The following LRMDA variants were observed in gnomAD, a reference collection of about 807,000 sequenced individuals.
LRMDA encodes leucine-rich melanocyte differentiation-associated protein.
A neutral mutation model predicts 29.8 loss-of-function variants in LRMDA; 18 were observed. The ratio of observed to expected loss-of-function variants is 0.60; its 90% CI spans 0.42 to 0.90. The LOEUF (loss-of-function observed/expected upper bound fraction) is 0.90, where lower values mean the gene tolerates loss of function less well. Ranked by LOEUF, LRMDA falls within the 40% of genes least tolerant of loss-of-function variation. The probability of loss-of-function intolerance (pLI) is 0.00; values close to 1 mark genes in which losing one functional copy is unlikely to be tolerated. For missense variants in LRMDA, 273 were observed against 273.9 expected, an observed-to-expected ratio of 1.00 and a Z score of 0.02; for synonymous variants, 125 against 109.4, an observed-to-expected ratio of 1.14 and a Z score of -0.89.
intron 2 of LRMDA, among the ~76,000 whole-genome samples, chr10:75,986,324 G>C (rs1847261569): frequency 6.6e-6 from 1 of 152,224 alleles, no homozygotes; most frequent in African/African-American, 2.4e-5. Flanking sequence ...AAGTTACTCA[G>C]GCTGTGCTTC....
chr10:76,059,988 C>T (rs781487465), intron 5 of LRMDA, among the ~76,000 whole-genome samples: 1 of 152,178 alleles, frequency 6.6e-6, no homozygotes, highest in Non-Finnish European at 1.5e-5. Context: ...TGCTCCCTAT[C>T]GAGGCACAGG....
chr10:76,053,390 A>G (rs1284793720), intron 4 of LRMDA, among the ~76,000 whole-genome samples: 2 of 152,226 alleles, frequency 1.3e-5, no homozygotes, highest in Non-Finnish European at 2.9e-5. Flanking sequence ...CCAGTAACTA[A>G]GTAATACATC....
At position 75,517,822 on chromosome 10, in the gene LRMDA, A is replaced by G. The variant is rs191225549; in HGVS notation, c.131+79328A>G. Among the ~76,000 whole-genome samples, 928 of 152,294 alleles carry G rather than the reference A, an allele frequency of 6.1e-3. 9 individuals carry two copies. The highest frequency in any genetic ancestry group is 0.02 in the African/African-American group (819 of 41,548). On this transcript the variant is annotated intron_variant, in intron 2 of 6. Coordinates refer to ENST00000611255, the MANE Select transcript of LRMDA (RefSeq NM_001305581.2). ...TTCCAGTTTTTGCCCATTCAGTATG[A>G]TACTGGCTATGGGTTTGTCATGAAA...
intron 6 of LRMDA, among the ~76,000 whole-genome samples, chr10:76,488,169 A>G (rs1425617526): frequency 6.6e-6 from 1 of 151,840 alleles, no homozygotes; most frequent in Non-Finnish European, 1.5e-5. Context: ...GAAGAAAAAA[A>G]TTATCTGTTT....
chr10:76,539,973 TATC>T (rs904180604), intron 6 of LRMDA, among the ~76,000 whole-genome samples: 17 of 140,762 alleles, frequency 1.2e-4, no homozygotes, highest in African/African-American at 4.3e-4. Context: ...GGCGTAATGA[TATC>T]AACATGTTCA....
chr10:76,425,963 G>C (rs1842120910), intron 6 of LRMDA, among the ~76,000 whole-genome samples: 1 of 152,116 alleles, frequency 6.6e-6, no homozygotes, highest in Non-Finnish European at 1.5e-5. Context: ...AGTATTCCAT[G>C]GTGTATATGT....
chr10:76,190,232 A>T (rs12257516), intron 5 of LRMDA, among the ~76,000 whole-genome samples: 21,362 of 149,500 alleles, frequency 0.14, 2,589 homozygotes, highest in African/African-American at 0.34. Context: ...ATTAGGATTT[A>T]AAAAAAAAAT....
intron 5 of LRMDA, among the ~76,000 whole-genome samples, chr10:76,114,446 G>A (rs1430064447): frequency 6.6e-6 from 1 of 152,116 alleles, no homozygotes; most frequent in Non-Finnish European, 1.5e-5. Context: ...TCCTAGGCTT[G>A]GCTTCCACTT....
chr10:75,886,081 C>T (rs565190289), intron 2 of LRMDA, among the ~76,000 whole-genome samples: 6 of 152,340 alleles, frequency 3.9e-5, no homozygotes, highest in African/African-American at 1.4e-4. Flanking sequence ...GTTTTGCTTT[C>T]CTTCCACCCC....
chr10:76,247,125 T>G (rs1424275770), intron 5 of LRMDA, among the ~76,000 whole-genome samples: 2 of 152,216 alleles, frequency 1.3e-5, no homozygotes, highest in Non-Finnish European at 2.9e-5. Context: ...TATCCCAGAA[T>G]AGCTTAACTA....
intron 2 of LRMDA, among the ~76,000 whole-genome samples, chr10:75,797,202 A>T (rs1843667919): frequency 6.6e-6 from 1 of 152,244 alleles, no homozygotes; most frequent in East Asian, 1.9e-4. Context: ...TTGTTAAGTT[A>T]ATTTTTCAAG....
chr10:75,717,207 T>C (rs1025205451), intron 2 of LRMDA, among the ~76,000 whole-genome samples: 1 of 152,208 alleles, frequency 6.6e-6, no homozygotes, highest in Non-Finnish European at 1.5e-5. Context: ...AGCTGAAGCC[T>C]TGGGGAGTCC....
intron 5 of LRMDA, among the ~76,000 whole-genome samples, chr10:76,282,069 G>A (rs573375359): frequency 4.6e-5 from 7 of 152,292 alleles, no homozygotes; most frequent in African/African-American, 1.7e-4. Flanking sequence ...TCTGTCCCCA[G>A]ATGTCAGCAA....
intron 5 of LRMDA, among the ~76,000 whole-genome samples, chr10:76,175,177 C>T (rs1431066873): frequency 6.6e-6 from 1 of 152,164 alleles, no homozygotes; most frequent in Non-Finnish European, 1.5e-5. Context: ...AAGCCCTTGG[C>T]ACATAGCAAG....
chr10:75,505,057 A>G (rs1845155532), intron 2 of LRMDA, among the ~76,000 whole-genome samples: 2 of 152,188 alleles, frequency 1.3e-5, no homozygotes, highest in Admixed American at 1.3e-4. Flanking sequence ...GTTATGGGAA[A>G]GAGAGGAAGG....
At chr10:76,377,765 G>A (rs961562869) in intron 6 of LRMDA, among the ~76,000 whole-genome samples, 1 of 152,186 alleles carries the variant, frequency 6.6e-6, no homozygotes. Flanking sequence ...ATATCAGACT[G>A]TTTTGGTTTC....
chr10:75,517,743 T>C (rs1461171717), intron 2 of LRMDA, among the ~76,000 whole-genome samples: 1 of 152,202 alleles, frequency 6.6e-6, no homozygotes, highest in East Asian at 1.9e-4. Flanking sequence ...CTGTGTTGAA[T>C]AGGAGTGGTG....
At chr10:76,088,548 G>C (rs1454423913) in intron 5 of LRMDA, among the ~76,000 whole-genome samples, 1 of 152,158 alleles carries the variant, frequency 6.6e-6, no homozygotes, top group Admixed American at 6.5e-5. Context: ...TATCTGGATG[G>C]GAAGCCAGGC....
intron 2 of LRMDA, among the ~76,000 whole-genome samples, chr10:75,841,751 T>G (rs1844544762): frequency 6.6e-6 from 1 of 152,204 alleles, no homozygotes; most frequent in Non-Finnish European, 1.5e-5. Flanking sequence ...AAAGAAAATT[T>G]CTTTATTGGA....
Sources: allele counts gnomAD v4.1 joint callset (sites outside exome capture counted in the v4.1 genomes callset), GRCh38; gene constraint gnomAD v4.1.1; transcripts MANE v1.5; gene names NCBI Gene and HGNC (gene_info 2026-07-23, HGNC 2026-07-21).